Variants in SNX29 observed in about 807,000 individuals in gnomAD.
SNX29 encodes sorting nexin-29.
A neutral mutation model predicts 102.1 loss-of-function variants in SNX29; 78 were observed. That is an observed-to-expected ratio of 0.76 (90% CI 0.64 to 0.92). The LOEUF (loss-of-function observed/expected upper bound fraction) is 0.92. SNX29 is among the 40% of genes least tolerant of loss of function. The probability of loss-of-function intolerance (pLI) is 0.00; values close to 1 mark genes in which losing one functional copy is unlikely to be tolerated. For missense variants in SNX29, 1,280 were observed against 1,061.7 expected (o/e 1.21, Z -2.86); for synonymous variants, 580 against 414.5 (o/e 1.40, Z -4.85).
chr16:12,536,901 GGGAGGT>G (rs2077101197), intron 20 of SNX29, among the ~76,000 whole-genome samples: 1 of 152,104 alleles, frequency 6.6e-6, no homozygotes. Context: ...GCTTGAGCCC[GGGAGGT>G]GGAGGTTGCA....
chr16:12,439,523 G>A (rs2085701995), intron 18 of SNX29, among the ~76,000 whole-genome samples: 1 of 152,218 alleles, frequency 6.6e-6, no homozygotes, highest in African/African-American at 2.4e-5. Flanking sequence ...CTCACATGGT[G>A]GCAGACAAGA....
chr16:12,156,867 T>C (rs750998817), intron 13 of SNX29, among the ~76,000 whole-genome samples: 2 of 152,114 alleles, frequency 1.3e-5, no homozygotes, highest in African/African-American at 4.8e-5. Context: ...AGCTCGGGTG[T>C]GTGTAGATGC....
chr16:12,061,565 A>C lies in SNX29; in HGVS notation c.1162A>C (p.Ser388Arg), dbSNP rs1226734250. 4 of 1,610,376 alleles carry C rather than the reference A, an allele frequency of 2.5e-6. No individual in the cohort carries two copies. Among genetic ancestry groups the C allele is most frequent in the Non-Finnish European group, 3.4e-6 (4 of 1,178,816 alleles). ...EGNTCLSQMH[S>R]WAPLKVLHND... is the part of the protein sequence containing the mutation. ...GAACACCTGCCTCTCCCAGATGCAC[A>C]GCTGGGCTCCGCTGAAGGTGCTGCA... The change falls in exon 9 of 21, where the codon AGC becomes CGC. Residue 388 changes from serine (S) to arginine (R), a missense_variant. Physicochemically the swap from Ser to Arg is moderately radical, Grantham distance 110. Transcript: ENST00000566228.
chr16:12,200,470 T>C (rs2076885006), intron 14 of SNX29, among the ~76,000 whole-genome samples: 2 of 135,204 alleles, frequency 1.5e-5, no homozygotes, highest in Non-Finnish European at 3.2e-5. Flanking sequence ...CAGTGGGTGT[T>C]CCCCACATTC....
At chr16:12,512,499 G>C (rs1226284071) in intron 19 of SNX29, among the ~76,000 whole-genome samples, 5 of 149,174 alleles carry the variant, frequency 3.4e-5, no homozygotes, top group East Asian at 4.0e-4. Context: ...CTGCAGCCTT[G>C]ACCTCCCATG....
At chr16:12,172,115 T>TAGA (rs2076162861) in intron 13 of SNX29, among the ~76,000 whole-genome samples, 2 of 152,238 alleles carry the variant, frequency 1.3e-5, no homozygotes, top group Non-Finnish European at 2.9e-5. Flanking sequence ...AGTGTTTTTA[T>TAGA]AGACTTAACA....
At chr16:12,105,168 G>C (rs2053178404) in intron 11 of SNX29, among the ~76,000 whole-genome samples, 1 of 152,034 alleles carries the variant, frequency 6.6e-6, no homozygotes, top group Non-Finnish European at 1.5e-5. Context: ...GCCAGACTGT[G>C]CTGAGAGTCT....
At chr16:12,528,585 C>G (rs1261055682) in intron 20 of SNX29, among the ~76,000 whole-genome samples, 1 of 152,164 alleles carries the variant, frequency 6.6e-6, no homozygotes, top group Non-Finnish European at 1.5e-5. Flanking sequence ...CCACTGAACC[C>G]CCATCTCCTG....
At chr16:12,358,237 C>A (rs990420530) in intron 16 of SNX29, among the ~76,000 whole-genome samples, 1 of 152,166 alleles carries the variant, frequency 6.6e-6, no homozygotes, top group African/African-American at 2.4e-5. Context: ...CTTTTACATC[C>A]CTGCTGTGAT....
At chr16:12,427,237 T>G (rs1319060369) in intron 18 of SNX29, among the ~76,000 whole-genome samples, 2 of 152,154 alleles carry the variant, frequency 1.3e-5, no homozygotes, top group Non-Finnish European at 2.9e-5. Flanking sequence ...TTTCAGACTC[T>G]GTGTTCCCTC....
chr16:12,389,533 A>G (rs370424601), intron 16 of SNX29, among the ~76,000 whole-genome samples: 19 of 152,264 alleles, frequency 1.2e-4, no homozygotes, highest in African/African-American at 4.3e-4. Context: ...CTCCCTGGCC[A>G]TGTGGAACTG....
chr16:12,564,415 T>G (rs1366148495), intron 20 of SNX29, among the ~76,000 whole-genome samples: 2 of 152,384 alleles, frequency 1.3e-5, no homozygotes, highest in African/African-American at 4.8e-5. Flanking sequence ...GATGTATGAT[T>G]GGCACTATTA....
chr16:12,289,970 C>G (rs578025969), intron 15 of SNX29, among the ~76,000 whole-genome samples: 29 of 152,190 alleles, frequency 1.9e-4, no homozygotes, highest in Non-Finnish European at 4.0e-4. Context: ...ATAAAGGGCT[C>G]GTCACTGGCA....
intron 18 of SNX29, among the ~76,000 whole-genome samples, chr16:12,476,383 AATAT>A (rs1567603099): frequency 0.031 from 290 of 9,462 alleles, 12 homozygotes; most frequent in African/African-American, 0.056. Flanking sequence ...AAAAAAAAAA[AATAT>A]ATATATATAT....
At chr16:12,524,152 C>T (rs534297601) in intron 19 of SNX29, among the ~76,000 whole-genome samples, 7 of 152,256 alleles carry the variant, frequency 4.6e-5, no homozygotes, top group Non-Finnish European at 8.8e-5. Flanking sequence ...TCGTGGCCCA[C>T]GCGTCCTAGT....
At chr16:12,335,138 A>G (rs1226009026) in intron 15 of SNX29, among the ~76,000 whole-genome samples, 1 of 152,050 alleles carries the variant, frequency 6.6e-6, no homozygotes, top group Non-Finnish European at 1.5e-5. Context: ...GTGGTGTCCC[A>G]GGACAGAGGG....
chr16:12,045,816 G>A, intron 5 of SNX29, among the ~76,000 whole-genome samples: 1 of 151,850 alleles, frequency 6.6e-6, no homozygotes, highest in African/African-American at 2.4e-5. Context: ...GTAGAGATGG[G>A]GTTTCACTGT....
At chr16:12,002,556 C>T (rs926181634) in intron 2 of SNX29, among the ~76,000 whole-genome samples, 1 of 152,082 alleles carries the variant, frequency 6.6e-6, no homozygotes, top group Non-Finnish European at 1.5e-5. Context: ...GCTGTTGTAA[C>T]GTCATAGCCA....
chr16:12,388,077 A>C (rs894079560), intron 16 of SNX29, among the ~76,000 whole-genome samples: 10 of 152,238 alleles, frequency 6.6e-5, no homozygotes, highest in Admixed American at 6.5e-4. Flanking sequence ...TTGCCAGAGC[A>C]TCTTCTCTTC....
Sources: gnomAD v4.1 joint callset for allele counts (sites outside exome capture counted in the v4.1 genomes callset) on GRCh38, gnomAD v4.1.1 for gene constraint, MANE v1.5 for transcripts, NCBI Gene and HGNC (gene_info 2026-07-23, HGNC 2026-07-21) for gene names.